Variants in C2CD5 observed in about 807,000 individuals in gnomAD.
The protein encoded by C2CD5 is C2 calcium dependent domain containing 5.
In C2CD5, 109 loss-of-function variants were observed where a neutral mutation model predicts 130.3. The observed-to-expected ratio is 0.84, with a 90% CI of 0.72 to 0.98. The LOEUF is 0.98. C2CD5 is among the 50% of genes least tolerant of loss of function. C2CD5 has a pLI of 0.00. For synonymous variants in C2CD5, 454 were observed against 429.2 expected (o/e 1.06, Z -0.71); for missense variants, 996 against 1,261.8 (o/e 0.79, Z 3.19).
rs1947949523 is a variant in C2CD5, at chr12:22,502,674, A to G, written c.1147+4037T>C. 4.6e-6 allele frequency: 4 copies of G among 873,238 alleles called. No individual in the cohort carries two copies. The African/African-American group carries it at 6.7e-5, about 15-fold the overall frequency. 54.1% of individuals were successfully genotyped at this position (873,238 alleles called of 1,614,324 possible). ...AACCTACTTCATCTAGAACATTTCTAAAAACTTCACTGAGCTGCCATAATT... is the reference window on the plus strand; with the variant it reads ...AACCTACTTCATCTAGAACATTTCTGAAAACTTCACTGAGCTGCCATAATT... On this transcript the variant is annotated intron_variant, in intron 10 of 26. Coordinates refer to ENST00000446597, the MANE Select transcript of C2CD5 (RefSeq NM_001286176.2).
At chr12:22,470,241 T>C (rs887617646) in intron 21 of C2CD5, among the ~76,000 whole-genome samples, 12 of 152,150 alleles carry the variant, frequency 7.9e-5, no homozygotes, top group African/African-American at 2.9e-4. Context: ...TAATCAACTT[T>C]TAAAAGTTTA....
intron 12 of C2CD5, among the ~76,000 whole-genome samples, chr12:22,486,215 C>G (rs1422305288): frequency 6.6e-6 from 1 of 150,920 alleles, no homozygotes; most frequent in Non-Finnish European, 1.5e-5. Flanking sequence ...CACTGCAAAG[C>G]ACACTCTGAA....
Position 22,456,984 on chromosome 12 carries a change from G to A in C2CD5, c.2864C>T (p.Thr955Ile), listed in dbSNP as rs1320687329. The A allele has an allele frequency of 6.3e-7, 1 of 1,583,826 alleles. No homozygotes were observed. Among genetic ancestry groups the A allele is most frequent in the African/African-American group, 1.4e-5 (1 of 73,510 alleles). Residue 955 changes from threonine to isoleucine, a missense_variant, in exon 25 of 27, where the codon ACT (threonine) becomes ATT (isoleucine). This residue lies in a region of C2CD5 where 51 missense variants were observed against 99.5 expected (regional missense o/e 0.51). Transcript: ENST00000446597. ...IINMFFIRET[T>I]SLREEGGVSG... is the part of the protein sequence containing the mutation. ...CTATAAAATTACCTCCCGAAGAGAA[G>A]TAGTCTCTCGAATAAAAAACATGTT...
chr12:22,544,170 T>C lies in C2CD5; in HGVS notation c.-20A>G. 6.2e-7 allele frequency: 1 copy of C among 1,612,034 alleles called. No individual in the cohort carries two copies. The highest frequency in any genetic ancestry group is 1.6e-4 in the Middle Eastern group (1 of 6,062). ...TGGCATGGTCTCGGTTTCGGCCTCTTCTTGGGCTCCTGCAGAAACAAACAA... is the reference window on the plus strand; with the variant it reads ...TGGCATGGTCTCGGTTTCGGCCTCTCCTTGGGCTCCTGCAGAAACAAACAA... On this transcript the variant is annotated 5_prime_UTR_variant, in exon 2 of 27. Coordinates refer to ENST00000446597, the MANE Select transcript of C2CD5 (RefSeq NM_001286176.2).
At chr12:22,515,425 T>C (rs1241666360) in intron 8 of C2CD5, among the ~76,000 whole-genome samples, 2 of 152,198 alleles carry the variant, frequency 1.3e-5, no homozygotes, top group East Asian at 1.9e-4. Flanking sequence ...GTGATTCTAA[T>C]AACTTTTAAT....
intron 14 of C2CD5, among the ~76,000 whole-genome samples, chr12:22,480,906 C>G (rs573969012): frequency 6.6e-6 from 1 of 152,022 alleles, no homozygotes; most frequent in East Asian, 1.9e-4. Flanking sequence ...CCAGGCTCAG[C>G]TGATTCTCCC....
At chr12:22,486,272 A>G (rs1303541424) in intron 12 of C2CD5, among the ~76,000 whole-genome samples, 1 of 151,584 alleles carries the variant, frequency 6.6e-6, no homozygotes, top group Admixed American at 6.6e-5. Context: ...CACTGTGGTC[A>G]CTCATTCCCA....
At chr12:22,543,185 A>T (rs1268773757) in intron 2 of C2CD5, among the ~76,000 whole-genome samples, 1 of 152,220 alleles carries the variant, frequency 6.6e-6, no homozygotes, top group Admixed American at 6.5e-5. Flanking sequence ...TAATAGCCCA[A>T]ATGATTGCTG....
At chr12:22,454,154 A>G (rs1939292646) in intron 25 of C2CD5, 112 bp from the exon 26 acceptor site, 1 of 819,072 alleles carries the variant, frequency 1.2e-6, no homozygotes, top group East Asian at 2.8e-5. Context: ...ATCTTAATAT[A>G]CCAAATAACT....
At chr12:22,491,905 A>G (rs1311282949) in intron 11 of C2CD5, among the ~76,000 whole-genome samples, 2 of 151,898 alleles carry the variant, frequency 1.3e-5, no homozygotes, top group Non-Finnish European at 2.9e-5. Flanking sequence ...ACAACAAAAA[A>G]CATTTTTCTA....
intron 25 of C2CD5, 75 bp downstream of exon 25, chr12:22,456,896 A>T (rs1221320826): frequency 1.1e-6 from 1 of 901,598 alleles, no homozygotes; most frequent in East Asian, 2.8e-5. Context: ...AAAAAATAAC[A>T]ATTTGAAACT....
chr12:22,485,458 C>G (rs998991683), intron 12 of C2CD5, among the ~76,000 whole-genome samples: 1 of 151,704 alleles, frequency 6.6e-6, no homozygotes, highest in African/African-American at 2.4e-5. Flanking sequence ...TAAATATATA[C>G]AGCTACTAGG....
chr12:22,466,655 C>T (rs1436982607), intron 22 of C2CD5, among the ~76,000 whole-genome samples: 2 of 152,154 alleles, frequency 1.3e-5, no homozygotes, highest in Admixed American at 1.3e-4. Flanking sequence ...TAGCCCATGT[C>T]CTCCTGAAAA....
intron 8 of C2CD5, chr12:22,515,209 G>A (rs1949596733): frequency 1.3e-6 from 1 of 783,434 alleles, no homozygotes; most frequent in East Asian, 1.3e-4. Flanking sequence ...GAAAATGCAG[G>A]CTAAGGAAAG....
chr12:22,504,112 C>T (rs1948159574), intron 10 of C2CD5, among the ~76,000 whole-genome samples: 1 of 151,630 alleles, frequency 6.6e-6, no homozygotes, highest in Non-Finnish European at 1.5e-5. Flanking sequence ...TCTTACATTT[C>T]TTGCACAATT....
intron 2 of C2CD5, among the ~76,000 whole-genome samples, chr12:22,542,517 T>C (rs2137372825): frequency 6.6e-6 from 1 of 152,380 alleles, no homozygotes; most frequent in Non-Finnish European, 1.5e-5. Flanking sequence ...TTCCTGAACA[T>C]ACTATATATC....
At chr12:22,471,542 A>C in intron 19 of C2CD5, 54 bp from the exon 20 acceptor site, 1 of 1,065,340 alleles carries the variant, frequency 9.4e-7, no homozygotes, top group Non-Finnish European at 1.4e-6. Context: ...AATTTTTAAA[A>C]GCTGATTTTT....
At chr12:22,461,243 CAT>C (rs1210268708) in intron 22 of C2CD5, among the ~76,000 whole-genome samples, 3 of 152,156 alleles carry the variant, frequency 2.0e-5, no homozygotes, top group Admixed American at 6.5e-5. Context: ...CTGAGGCTCT[CAT>C]ATGTCTTGTG....
rs533147189 is a variant in C2CD5 at position 22,533,389 on chromosome 12, G to A, written c.177+1869C>T. Among the ~76,000 whole-genome samples, 22 of 152,336 alleles carry A rather than the reference G, an allele frequency of 1.4e-4. No homozygotes were observed. The South Asian group carries it at 4.1e-3, about 29-fold the overall frequency. On this transcript the variant is annotated intron_variant, in intron 3 of 26. Coordinates refer to ENST00000446597, the MANE Select transcript of C2CD5 (RefSeq NM_001286176.2). ...ACCAGCGTCTGGGCTATAATAAGCAGTCTGTAAATGAGAACTGTATCTCCT... is the reference window on the plus strand; with the variant it reads ...ACCAGCGTCTGGGCTATAATAAGCAATCTGTAAATGAGAACTGTATCTCCT...
Sources: allele counts gnomAD v4.1 joint callset (sites outside exome capture counted in the v4.1 genomes callset), GRCh38; gene constraint gnomAD v4.1.1; regional missense constraint gnomAD v4.1.1; transcripts MANE v1.5; gene names NCBI Gene and HGNC (gene_info 2026-07-23, HGNC 2026-07-21).